The following NTN4 variants were observed in gnomAD, a reference collection of about 807,000 sequenced individuals.
NTN4 encodes the protein netrin 4.
NTN4 carries 32 observed loss-of-function variants against 73.6 expected under a neutral mutation model. The ratio of observed to expected loss-of-function variants is 0.44; its 90% CI spans 0.33 to 0.58. NTN4 has a LOEUF of 0.58. Among genes scored for constraint, NTN4 ranks in the 20% least tolerant of loss-of-function variants. The pLI is 0.04. For missense variants in NTN4, 654 were observed against 798.3 expected, an observed-to-expected ratio of 0.82 and a Z score of 2.18; for synonymous variants, 258 against 287.5, an observed-to-expected ratio of 0.90 and a Z score of 1.04.
chr12:95,682,057 CTTTTTTT>C lies in NTN4; in HGVS notation c.1510+643_1510+649del, dbSNP rs557973212. 5.7e-4 allele frequency among the ~76,000 whole-genome samples: 37 copies of C among 64,546 alleles called. 3 individuals are homozygous for C. The highest frequency in any genetic ancestry group is 8.7e-4 in the South Asian group (1 of 1,150). The allele number at this position is 64,546 out of a possible 152,430, so 42.3% of individuals were successfully genotyped here. ...TTCCAAACCTAATATATTCAGTAGG[CTTTTTTT>C]TTTTTTTTTTTTTTTTGAGACAAGG... On this transcript the variant is annotated intron_variant, in intron 7 of 9. Transcript: ENST00000343702.
chr12:95,731,298 T>A (rs2078735271), intron 3 of NTN4, among the ~76,000 whole-genome samples: 1 of 152,196 alleles, frequency 6.6e-6, no homozygotes, highest in African/African-American at 2.4e-5. Flanking sequence ...CCAGGCATGG[T>A]GGCTCACACC....
intron 6 of NTN4, 86 bp from the exon 7 acceptor site, chr12:95,682,908 T>A (rs1425636296): frequency 2.6e-5 from 18 of 692,504 alleles, no homozygotes; most frequent in Middle Eastern, 2.5e-4. Flanking sequence ...TTAAACCTTA[T>A]CTTCTGCCTT....
At chr12:95,676,480 T>G (rs2078274262) in intron 7 of NTN4, among the ~76,000 whole-genome samples, 1 of 152,088 alleles carries the variant, frequency 6.6e-6, no homozygotes. Flanking sequence ...CTCAATGGAT[T>G]AAAGCGAAAT....
intron 9 of NTN4, 74 bp from the exon 10 acceptor site, chr12:95,659,296 T>G (rs2078117790): frequency 8.5e-7 from 1 of 1,170,500 alleles, no homozygotes; most frequent in Non-Finnish European, 1.2e-6. Flanking sequence ...CCAGCAGGTT[T>G]TCTTTTGCAT....
intron 7 of NTN4, chr12:95,673,104 C>T: frequency 1.7e-6 from 2 of 1,164,048 alleles, no homozygotes; most frequent in Non-Finnish European, 2.5e-6. Context: ...CAGGAGCACC[C>T]TCCTTGCCTG....
At chr12:95,783,455 T>G (rs1229962269) in intron 2 of NTN4, among the ~76,000 whole-genome samples, 1 of 152,266 alleles carries the variant, frequency 6.6e-6, no homozygotes, top group Non-Finnish European at 1.5e-5. Flanking sequence ...AGGACATTAC[T>G]GCTCAGGAGA....
rs2079172085 is a variant in NTN4, at chr12:95,786,960, A to G, written c.564T>C (p.Pro188=). The part of the protein sequence containing the change: ...GAICTSKYSS[P]FPCTGGEVIF... ...TTACCTCTCCTCCAGTGCATGGAAAAGGACTGGAGTATTTAGAAGTACAAA... is the reference window on the plus strand; with the variant it reads ...TTACCTCTCCTCCAGTGCATGGAAAGGGACTGGAGTATTTAGAAGTACAAA... The change falls in exon 2 of 10, where the codon CCT becomes CCC. Residue 188 remains proline (P), a synonymous_variant. Transcript: ENST00000343702. 1 of 1,613,844 alleles carries G rather than the reference A, an allele frequency of 6.2e-7. No homozygotes were observed. Among genetic ancestry groups the G allele is most frequent in the Admixed American group, 1.7e-5 (1 of 60,004 alleles).
chr12:95,770,986 G>T (rs1234867834), intron 2 of NTN4, among the ~76,000 whole-genome samples: 4 of 72,324 alleles, frequency 5.5e-5, no homozygotes, highest in African/African-American at 1.8e-4. Flanking sequence ...TCCAGGAAAA[G>T]AATTTGTTTT....
At chr12:95,783,393 G>A (rs565185847) in intron 2 of NTN4, among the ~76,000 whole-genome samples, 1 of 152,320 alleles carries the variant, frequency 6.6e-6, no homozygotes, top group Admixed American at 6.5e-5. Flanking sequence ...GTGTTTCCCA[G>A]CCTAAGTTAA....
Position 95,786,972 on chromosome 12 carries a change from T to C in NTN4, c.552A>G (p.Lys184=), listed in dbSNP as rs1565920758. ...CAGTGCATGGAAAAGGACTGGAGTA[T>C]TTAGAAGTACAAATAGCGCCCTTCT... The part of the protein sequence containing the change: ...VVKKGAICTS[K]YSSPFPCTGG... Residue 184 remains lysine (K), a synonymous_variant, in exon 2 of 10, where the codon AAA becomes AAG. Coordinates refer to ENST00000343702, the MANE Select transcript of NTN4 (RefSeq NM_021229.4). The C allele has an allele frequency of 1.2e-6, 2 of 1,614,194 alleles. No homozygotes were observed. The highest frequency in any genetic ancestry group is 1.7e-6 in the Non-Finnish European group (2 of 1,180,016).
intron 5 of NTN4, among the ~76,000 whole-genome samples, chr12:95,691,691 G>A (rs534491952): frequency 1.3e-4 from 20 of 152,042 alleles, no homozygotes; most frequent in South Asian, 2.1e-4. Context: ...CACCATGCCC[G>A]GCCTGTCTTC....
intron 7 of NTN4, chr12:95,673,363 G>A (rs983309011): frequency 8.0e-5 from 20 of 250,168 alleles, no homozygotes; most frequent in African/African-American, 3.8e-4. Context: ...TTTTGCGACC[G>A]CTTTGTTTAC....
chr12:95,679,394 T>G (rs1038731084), intron 7 of NTN4, among the ~76,000 whole-genome samples: 16 of 152,190 alleles, frequency 1.1e-4, no homozygotes, highest in African/African-American at 3.9e-4. Flanking sequence ...GATAATGGCC[T>G]CAGCTGCTCA....
intron 2 of NTN4, among the ~76,000 whole-genome samples, chr12:95,747,122 GTTATA>G (rs1401068519): frequency 6.6e-6 from 1 of 152,020 alleles, no homozygotes; most frequent in African/African-American, 2.4e-5. Context: ...TAGAAGTATA[GTTATA>G]TTTAGTAGAT....
intron 3 of NTN4, among the ~76,000 whole-genome samples, chr12:95,727,891 T>A (rs1033993566): frequency 1.3e-5 from 2 of 152,212 alleles, no homozygotes; most frequent in African/African-American, 4.8e-5. Context: ...TTGGAGAGTA[T>A]TGTCATTTTA....
At chr12:95,717,664 G>GA (rs60647046) in intron 3 of NTN4, among the ~76,000 whole-genome samples, 469 of 119,076 alleles carry the variant, frequency 3.9e-3, no homozygotes, top group Middle Eastern at 9.0e-3. Flanking sequence ...GGTCTTCATT[G>GA]AAAAAAAAAA....
chr12:95,667,249 G>A (rs531188358), intron 8 of NTN4, among the ~76,000 whole-genome samples: 1 of 151,028 alleles, frequency 6.6e-6, no homozygotes, highest in East Asian at 1.9e-4. Flanking sequence ...GAGTACAATG[G>A]TGCGATCTTG....
At chr12:95,690,036 G>A (rs1234428104) in intron 5 of NTN4, among the ~76,000 whole-genome samples, 1 of 152,106 alleles carries the variant, frequency 6.6e-6, no homozygotes, top group Non-Finnish European at 1.5e-5. Flanking sequence ...TATTTTACCA[G>A]GTTCTGTTGA....
At chr12:95,755,709 C>T (rs987305631) in intron 2 of NTN4, among the ~76,000 whole-genome samples, 13 of 152,216 alleles carry the variant, frequency 8.5e-5, no homozygotes, top group Non-Finnish European at 1.3e-4. Context: ...CTTACTTGTA[C>T]GATAATAACC....
Sources: gnomAD v4.1 joint callset for allele counts (sites outside exome capture counted in the v4.1 genomes callset) on GRCh38, gnomAD v4.1.1 for gene constraint, MANE v1.5 for transcripts, NCBI Gene and HGNC (gene_info 2026-07-23, HGNC 2026-07-21) for gene names.